Variants in TP53BP1 observed in about 807,000 individuals in gnomAD.
TP53BP1 encodes the protein TP53-binding protein 1.
TP53BP1 carries 61 observed loss-of-function variants against 200.8 expected under a neutral mutation model. The ratio of observed to expected loss-of-function variants is 0.30; its 90% CI spans 0.25 to 0.38. The LOEUF (loss-of-function observed/expected upper bound fraction) is 0.38, where lower values mean the gene tolerates loss of function less well. Among genes scored for constraint, TP53BP1 ranks in the 10% least tolerant of loss-of-function variants. TP53BP1 has a pLI of 1.00. For synonymous variants in TP53BP1, 822 were observed against 844.3 expected, an observed-to-expected ratio of 0.97 and a Z score of 0.46; for missense variants, 2,144 against 2,371.9, an observed-to-expected ratio of 0.90 and a Z score of 2.00.
chr15:43,422,112 T>C lies in TP53BP1; in HGVS notation c.3843A>G (p.Pro1281=), dbSNP rs1269015208. 2 of 1,613,978 alleles carry C rather than the reference T, an allele frequency of 1.2e-6. No homozygotes were observed. Among genetic ancestry groups the C allele is most frequent in the Admixed American group, 3.3e-5 (2 of 59,994 alleles). Residue 1281 remains proline (P), a synonymous_variant, in exon 19 of 28, where the codon CCA becomes CCG. Coordinates refer to ENST00000382044, the MANE Select transcript of TP53BP1 (RefSeq NM_001141980.3). ...ERKVTEETEE[P]IVECQECETE... ...TTTCACACTCCTGACACTCTACAAT[T>C]GGCTCTTCAGTCTCCTGCAAGGAAA...
intron 1 of TP53BP1, 48 bp from the exon 2 acceptor site, chr15:43,492,516 G>C: frequency 6.5e-7 from 1 of 1,526,910 alleles, no homozygotes; most frequent in Non-Finnish European, 9.0e-7. Context: ...TACTAGCCTT[G>C]CTCACGCAGT....
At chr15:43,435,089 C>T (rs958263793) in intron 16 of TP53BP1, among the ~76,000 whole-genome samples, 2 of 151,850 alleles carry the variant, frequency 1.3e-5, no homozygotes, top group African/African-American at 2.4e-5. Flanking sequence ...GGCAAAACCC[C>T]GTCTCTACTA....
chr15:43,490,372 G>A (rs1481213126), intron 4 of TP53BP1, among the ~76,000 whole-genome samples: 1 of 151,650 alleles, frequency 6.6e-6, no homozygotes, highest in East Asian at 1.9e-4. Context: ...ACAGGTGTGA[G>A]CTACCACACC....
chr15:43,454,568 G>C (rs557053071), intron 12 of TP53BP1, among the ~76,000 whole-genome samples: 1 of 151,800 alleles, frequency 6.6e-6, no homozygotes, highest in African/African-American at 2.4e-5. Context: ...TCTCCATGTT[G>C]GTCAGGCTAG....
rs755996080 is a variant in TP53BP1, at chr15:43,420,566, C to A, written c.4420G>T (p.Ala1474Ser). ...RSDSPEIPFQ[A>S]AAGPSDGLDA... is the part of the protein sequence containing the mutation. ...AAGCCATCAGAAGGGCCAGCAGCAG[C>A]CTGGAAAGGAATTTCTGGAGAGTCA... The change falls in exon 21 of 28, where the codon GCT (alanine) becomes TCT (serine). Residue 1474 changes from alanine (A) to serine (S), a missense_variant. Coordinates refer to ENST00000382044, the MANE Select transcript of TP53BP1 (RefSeq NM_001141980.3). The A allele has an allele frequency of 1.2e-6, 2 of 1,614,056 alleles. No homozygotes were observed. Among genetic ancestry groups the A allele is most frequent in the Admixed American group, 1.7e-5 (1 of 60,006 alleles).
rs1555402882 is a variant in TP53BP1 at position 43,440,514 on chromosome 15, C to CG, written c.3098+1011_3098+1012insC. On this transcript the variant is annotated intron_variant, in intron 15 of 27. Coordinates refer to ENST00000382044, the MANE Select transcript of TP53BP1 (RefSeq NM_001141980.3). ...TGGATGACAGAGTGAGACTCCGTCTCAAAAAAAAAAACAAAAAAAAAACAC... is the reference window on the plus strand; with the variant it reads ...TGGATGACAGAGTGAGACTCCGTCTCGAAAAAAAAAAACAAAAAAAAAACAC... Among the ~76,000 whole-genome samples, 247 of 94,930 alleles carry CG rather than the reference C, an allele frequency of 2.6e-3. 5 individuals are homozygous for CG. The highest frequency in any genetic ancestry group is 8.6e-3 in the African/African-American group (231 of 26,812). The allele number at this position is 94,930 out of a possible 152,430, so 62.3% of individuals were successfully genotyped here.
chr15:43,457,668 T>C (rs1464249576), intron 11 of TP53BP1, among the ~76,000 whole-genome samples: 2 of 58,400 alleles, frequency 3.4e-5, no homozygotes, highest in Non-Finnish European at 5.5e-5. Context: ...TGAGACTCCA[T>C]CTCAAAAAAA....
At chr15:43,445,003 T>C (rs1048986440) in intron 14 of TP53BP1, among the ~76,000 whole-genome samples, 1 of 152,140 alleles carries the variant, frequency 6.6e-6, no homozygotes, top group African/African-American at 2.4e-5. Context: ...AGCTTAGTGT[T>C]CCAATAGTGG....
rs907617817 is a variant in TP53BP1, at chr15:43,406,233, T to C, written c.*1150A>G. 4 of 184,070 alleles carry C rather than the reference T, an allele frequency of 2.2e-5. No individual in the cohort carries two copies. Among genetic ancestry groups the C allele is most frequent in the African/African-American group, 7.1e-5 (3 of 42,062 alleles). 11.4% of individuals were successfully genotyped at this position (184,070 alleles called of 1,614,324 possible). A position where few individuals can be genotyped will look rare whatever the true frequency, so the allele number is the denominator to read the frequency against. ...CTGGTAATCAATATTCATATCAGTG[T>C]AAGTAAAAAGAAATATTCACTGAAC... On this transcript the variant is annotated 3_prime_UTR_variant, in exon 28 of 28. Transcript: ENST00000382044.
chr15:43,493,912 A>G (rs2079162399), upstream of TP53BP1, among the ~76,000 whole-genome samples: 1 of 152,190 alleles, frequency 6.6e-6, no homozygotes, highest in African/African-American at 2.4e-5. Context: ...CTCAAACTCC[A>G]TGGTAAAGAG....
intron 14 of TP53BP1, among the ~76,000 whole-genome samples, chr15:43,441,831 A>T (rs1595559576): frequency 6.6e-6 from 1 of 152,124 alleles, no homozygotes; most frequent in Non-Finnish European, 1.5e-5. Flanking sequence ...GCTCACTGCA[A>T]CCTCCGCCTC....
intron 11 of TP53BP1, 48 bp downstream of exon 11, chr15:43,469,810 G>A: frequency 6.8e-7 from 1 of 1,480,418 alleles, no homozygotes; most frequent in Non-Finnish European, 9.4e-7. Context: ...CAATAATGCT[G>A]CTTTAAAAAA....
intron 17 of TP53BP1, among the ~76,000 whole-genome samples, chr15:43,430,928 T>C (rs1404639530): frequency 2.0e-5 from 3 of 152,326 alleles, no homozygotes; most frequent in Admixed American, 2.0e-4. Context: ...GGAAGCACTT[T>C]ATGACTTACT....
At chr15:43,421,360 T>C (rs2045392835) in intron 19 of TP53BP1, among the ~76,000 whole-genome samples, 186 bp from the exon 20 acceptor site, 3 of 152,106 alleles carry the variant, frequency 2.0e-5, no homozygotes, top group African/African-American at 7.2e-5. Context: ...GGATAACAAG[T>C]AAAGGACATT....
chr15:43,508,111 C>T (rs368584862), intron 1 of TP53BP1, among the ~76,000 whole-genome samples: 8 of 152,214 alleles, frequency 5.3e-5, no homozygotes, highest in African/African-American at 1.9e-4. Context: ...CCTGTAATTT[C>T]AGCACTTTGG....
chr15:43,453,193 C>CAAAAAAAA (rs34555611), intron 12 of TP53BP1, among the ~76,000 whole-genome samples: 1 of 41,418 alleles, frequency 2.4e-5, no homozygotes, highest in Non-Finnish European at 4.6e-5. Flanking sequence ...GACTCCGTCT[C>CAAAAAAAA]AAAAAAAAAA....
In TP53BP1 at chr15:43,457,047, T is replaced by C; in HGVS notation, c.1561A>G (p.Met521Val). The stretch of plus-strand genomic sequence containing the variant: ...TGACTATATTCACTTGTAGAAAGCA[T>C]CAACTTGCAAGAATCCCCTGTCAAA... ...LSLTGDSCKL[M>V]LSTSEYSQSP... The change falls in exon 12 of 28, where the codon ATG (methionine) becomes GTG (valine). Residue 521 changes from methionine (M) to valine (V), a missense_variant. Physicochemically the swap from Met to Val is conservative, Grantham distance 21. This residue lies in a region of TP53BP1 where 1,700 missense variants were observed against 1,710.3 expected (regional missense o/e 0.99). Transcript: ENST00000382044. 6 of 1,614,188 alleles carry C rather than the reference T, an allele frequency of 3.7e-6. No individual in the cohort carries two copies. Among genetic ancestry groups the C allele is most frequent in the Non-Finnish European group, 5.1e-6 (6 of 1,180,032 alleles).
chr15:43,438,488 T>C (rs564533089), intron 15 of TP53BP1, 72 bp from the exon 16 acceptor site: 4 of 1,293,896 alleles, frequency 3.1e-6, no homozygotes, highest in Admixed American at 2.3e-5. Flanking sequence ...TATCCTTTTA[T>C]GCACAGAGGA....
At chr15:43,439,040 T>C (rs1019271170) in intron 15 of TP53BP1, among the ~76,000 whole-genome samples, 2 of 152,156 alleles carry the variant, frequency 1.3e-5, no homozygotes, top group African/African-American at 4.8e-5. Flanking sequence ...TTCAAAATAA[T>C]TCAGTAGGGA....
Sources: allele counts gnomAD v4.1 joint callset (sites outside exome capture counted in the v4.1 genomes callset), GRCh38; gene constraint gnomAD v4.1.1; regional missense constraint gnomAD v4.1.1; transcripts MANE v1.5; gene names NCBI Gene and HGNC (gene_info 2026-07-23, HGNC 2026-07-21).